Variants in PJA2 observed in about 807,000 individuals in gnomAD.
PJA2 encodes E3 ubiquitin-protein ligase Praja-2.
Under a neutral mutation model 69.3 loss-of-function variants are expected in PJA2, and 25 were observed. The ratio of observed to expected loss-of-function variants is 0.36; its 90% CI spans 0.26 to 0.50. The LOEUF is 0.50. PJA2 is among the 20% of genes least tolerant of loss of function. The probability of loss-of-function intolerance (pLI) is 0.96; values close to 1 mark genes in which losing one functional copy is unlikely to be tolerated. For missense variants in PJA2, 809 were observed against 830.2 expected, an observed-to-expected ratio of 0.97 and a Z score of 0.31; for synonymous variants, 308 against 277.8, an observed-to-expected ratio of 1.11 and a Z score of -1.08.
At chr5:109,392,046 T>A (rs923488765) in intron 1 of PJA2, among the ~76,000 whole-genome samples, 1 of 152,192 alleles carries the variant, frequency 6.6e-6, no homozygotes, top group Admixed American at 6.5e-5. Context: ...TTAAATGTAA[T>A]CCTAATAAAA....
At chr5:109,384,103 G>A (rs1243051941) in intron 1 of PJA2, among the ~76,000 whole-genome samples, 1 of 152,146 alleles carries the variant, frequency 6.6e-6, no homozygotes, top group Non-Finnish European at 1.5e-5. Flanking sequence ...TAATTTGTAA[G>A]TAAACAAACA....
At chr5:109,367,925 T>C (rs1410024838) in intron 5 of PJA2, among the ~76,000 whole-genome samples, 1 of 152,186 alleles carries the variant, frequency 6.6e-6, no homozygotes, top group Non-Finnish European at 1.5e-5. Flanking sequence ...TAGTAAAAGG[T>C]TGGAAGACAG....
rs945561173 is a variant in PJA2, at chr5:109,337,043, G to C, written c.*188C>G. The C allele has an allele frequency of 5.1e-6, 2 of 395,186 alleles. No homozygotes were observed. The highest frequency in any genetic ancestry group is 8.1e-6 in the Non-Finnish European group (2 of 246,656). 24.5% of individuals were successfully genotyped at this position (395,186 alleles called of 1,614,324 possible). A position where few individuals can be genotyped will look rare whatever the true frequency, so the allele number is the denominator to read the frequency against. ...AATGGATGCACTGTCTCAACATTCAGCTTAAAAATGTTTAATACTTTCTGC... is the reference window on the plus strand; with the variant it reads ...AATGGATGCACTGTCTCAACATTCACCTTAAAAATGTTTAATACTTTCTGC... On this transcript the variant is annotated 3_prime_UTR_variant, in exon 10 of 10. Coordinates refer to ENST00000361189, the MANE Select transcript of PJA2 (RefSeq NM_014819.5).
intron 6 of PJA2, among the ~76,000 whole-genome samples, chr5:109,361,168 T>G (rs1762497883): frequency 6.6e-6 from 1 of 152,206 alleles, no homozygotes; most frequent in South Asian, 2.1e-4. Flanking sequence ...ACTTCCATTA[T>G]TCCTTCAAAT....
chr5:109,395,859 G>A (rs1747394237), intron 1 of PJA2, among the ~76,000 whole-genome samples: 2 of 151,988 alleles, frequency 1.3e-5, no homozygotes, highest in Non-Finnish European at 2.9e-5. Context: ...AATTAGCTGG[G>A]TGTGGAGGCA....
intron 7 of PJA2, among the ~76,000 whole-genome samples, chr5:109,345,343 C>T (rs1177102319): frequency 4.8e-5 from 7 of 146,628 alleles, no homozygotes; most frequent in African/African-American, 1.3e-4. Flanking sequence ...GCAACAAGAA[C>T]GAAACTCCAT....
intron 1 of PJA2, among the ~76,000 whole-genome samples, chr5:109,407,761 C>T (rs866246130): frequency 4.6e-5 from 7 of 151,840 alleles, no homozygotes; most frequent in Non-Finnish European, 8.8e-5. Context: ...ACGAATCAAA[C>T]CATAAAATAG....
In PJA2 at chr5:109,390,677, T is replaced by C. The variant is rs947966558; in HGVS notation, c.-87-7157A>G. The C allele has an allele frequency of 8.6e-5, 13 of 151,788 alleles. 1 individual carries two copies. The highest frequency in any genetic ancestry group is 7.9e-4 in the Admixed American group (12 of 15,234). The allele number at this position is 151,788 out of a possible 1,614,324, so 9.4% of individuals were successfully genotyped here. A position where few individuals can be genotyped will look rare whatever the true frequency, so the allele number is the denominator to read the frequency against. Reference sequence around the variant, plus strand: ...TTTATTCCTCCGTTCTTGAATTCCTTGGTAATTTTTTTTTATTATTCCATT... The same window carrying C: ...TTTATTCCTCCGTTCTTGAATTCCTCGGTAATTTTTTTTTATTATTCCATT... On this transcript the variant is annotated intron_variant, in intron 1 of 9. Transcript: ENST00000361189.
At chr5:109,353,549 A>AT (rs1305082138) in intron 7 of PJA2, among the ~76,000 whole-genome samples, 16 of 81,018 alleles carry the variant, frequency 2.0e-4, no homozygotes, top group Non-Finnish European at 2.8e-4. Context: ...ATAGATATCT[A>AT]TATATTAGAT....
intron 4 of PJA2, among the ~76,000 whole-genome samples, chr5:109,371,259 T>A (rs1217880020): frequency 6.6e-6 from 1 of 152,150 alleles, no homozygotes; most frequent in African/African-American, 2.4e-5. Flanking sequence ...GCCCCAACCA[T>A]CACACTAAGC....
Position 109,381,717 on chromosome 5 carries a change from T to TA in PJA2, c.32-15dup, listed in dbSNP as rs748565999. 6.2e-7 allele frequency: 1 copy of TA among 1,610,672 alleles called. No homozygotes were observed. The highest frequency in any genetic ancestry group is 8.5e-7 in the Non-Finnish European group (1 of 1,179,414). Reference sequence around the variant, plus strand: ...CTTGGTCCATTGCTGAAAAAAAAGTTAAAAAATTAAAACAGGAACAGCAAT... The same window carrying TA: ...CTTGGTCCATTGCTGAAAAAAAAGTTAAAAAAATTAAAACAGGAACAGCAAT... On this transcript the variant is annotated splice_polypyrimidine_tract_variant and intron_variant, in intron 2 of 9. Transcript: ENST00000361189.
At chr5:109,390,309 T>C (rs985392886) in intron 1 of PJA2, among the ~76,000 whole-genome samples, 1 of 152,012 alleles carries the variant, frequency 6.6e-6, no homozygotes, top group African/African-American at 2.4e-5. Context: ...GTCTTCTTGA[T>C]AAATTGGCCC....
intron 1 of PJA2, among the ~76,000 whole-genome samples, chr5:109,387,207 A>G (rs1747178223): frequency 6.6e-6 from 1 of 152,034 alleles, no homozygotes; most frequent in Non-Finnish European, 1.5e-5. Flanking sequence ...TTATTCTGTG[A>G]TTATTATTTA....
At chr5:109,364,951 C>G (rs1762562866) in intron 5 of PJA2, among the ~76,000 whole-genome samples, 1 of 152,010 alleles carries the variant, frequency 6.6e-6, no homozygotes, top group Admixed American at 6.5e-5. Flanking sequence ...CAACTATTAG[C>G]AAAAATAAAA....
At chr5:109,409,712 C>G (rs1747786962) in intron 1 of PJA2, 130 bp downstream of exon 1, 1 of 153,822 alleles carries the variant, frequency 6.5e-6, no homozygotes, top group African/African-American at 2.4e-5. Context: ...AGGCCAGGGA[C>G]AAGCCCCGCT....
chr5:109,401,136 T>C (rs1364484690), intron 1 of PJA2, among the ~76,000 whole-genome samples: 2 of 151,962 alleles, frequency 1.3e-5, no homozygotes, highest in Admixed American at 1.3e-4. Context: ...ATACAAAAAT[T>C]AGCCAGACGT....
At chr5:109,353,574 AGAC>A (rs1313296100) in intron 7 of PJA2, among the ~76,000 whole-genome samples, 1 of 144,640 alleles carries the variant, frequency 6.9e-6, no homozygotes, top group Non-Finnish European at 1.5e-5. Context: ...ATAATATCAT[AGAC>A]ATCTATATAT....
intron 7 of PJA2, 29 bp downstream of exon 7, chr5:109,355,886 A>C: frequency 6.8e-7 from 1 of 1,470,524 alleles, no homozygotes; most frequent in Non-Finnish European, 9.5e-7. Flanking sequence ...CCATCAACTT[A>C]TATATGGAGA....
At chr5:109,362,721 G>A in intron 6 of PJA2, 119 bp downstream of exon 6, 2 of 980,770 alleles carry the variant, frequency 2.0e-6, no homozygotes. Flanking sequence ...TTGAAGAAGA[G>A]GAGGACTAAC....
Sources: allele counts gnomAD v4.1 joint callset (sites outside exome capture counted in the v4.1 genomes callset), GRCh38; gene constraint gnomAD v4.1.1; transcripts MANE v1.5; gene names NCBI Gene and HGNC (gene_info 2026-07-23, HGNC 2026-07-21).